The following DRAXIN variants were observed in gnomAD, a reference collection of about 807,000 sequenced individuals.
The protein encoded by DRAXIN is dorsal inhibitory axon guidance protein, also known as dorsal repulsive axon guidance protein.
In DRAXIN, 27 loss-of-function variants were observed where a neutral mutation model predicts 33.9. The observed-to-expected ratio is 0.80, with a 90% confidence interval of 0.59 to 1.10. The LOEUF (loss-of-function observed/expected upper bound fraction) is 1.10, where lower values mean the gene tolerates loss of function less well. Ranked by LOEUF, DRAXIN falls within the 50% of genes least tolerant of loss-of-function variation. The pLI, the probability that DRAXIN is intolerant of heterozygous loss-of-function variation, is 0.00. For synonymous variants in DRAXIN, 178 were observed against 194.0 expected, an observed-to-expected ratio of 0.92 and a Z score of 0.69; for missense variants, 371 against 460.8, an observed-to-expected ratio of 0.81 and a Z score of 1.78.
intron 1 of DRAXIN, among the ~76,000 whole-genome samples, chr1:11,697,884 T>C (rs1641215576): frequency 6.6e-6 from 1 of 152,094 alleles, no homozygotes; most frequent in South Asian, 2.1e-4. Flanking sequence ...AGGTGACACT[T>C]TGGGCGATAC....
At chr1:11,703,247 G>A (rs1382194300) in intron 1 of DRAXIN, among the ~76,000 whole-genome samples, 2 of 152,230 alleles carry the variant, frequency 1.3e-5, no homozygotes, top group Non-Finnish European at 2.9e-5. Context: ...GCAGGACAAA[G>A]GCATGTGGGA....
At chr1:11,688,965 A>C (rs1453016874), upstream of DRAXIN, among the ~76,000 whole-genome samples, 1 of 152,198 alleles carries the variant, frequency 6.6e-6, no homozygotes, top group Non-Finnish European at 1.5e-5. The surrounding 1 kb of genome is among the most constrained non-coding windows in gnomAD (Gnocchi z 4.6). Context: ...TACAAATGCC[A>C]TGGCAACATC....
In DRAXIN at chr1:11,711,983, A is replaced by C. The variant is rs933754185; in HGVS notation, c.757+18A>C. On this transcript the variant is annotated intron_variant, in intron 4 of 6. Transcript: ENST00000294485. ...GAAGAAAGGTATGCCCACCTACCCCACTATCTTCCATGCCTGGGTGCCCTG... is the reference window on the plus strand; with the variant it reads ...GAAGAAAGGTATGCCCACCTACCCCCCTATCTTCCATGCCTGGGTGCCCTG... The C allele has an allele frequency of 6.2e-7, 1 of 1,601,692 alleles. No individual in the cohort carries two copies. The highest frequency in any genetic ancestry group is 8.5e-7 in the Non-Finnish European group (1 of 1,172,734).
intron 1 of DRAXIN, among the ~76,000 whole-genome samples, chr1:11,703,911 G>A (rs1417600016): frequency 3.3e-5 from 5 of 152,152 alleles, no homozygotes; most frequent in East Asian, 3.9e-4. Context: ...ATGCTGCTTC[G>A]GGGTGTTGGA....
rs563654158 is a variant in DRAXIN at position 11,696,197 on chromosome 1, C to T, written c.-11+4344C>T. 1.1e-4 allele frequency among the ~76,000 whole-genome samples: 16 copies of T among 152,350 alleles called. No individual in the cohort carries two copies. The highest frequency in any genetic ancestry group is 1.8e-4 in the Non-Finnish European group (12 of 68,034). On this transcript the variant is annotated intron_variant, in intron 1 of 6. Coordinates refer to ENST00000294485, the MANE Select transcript of DRAXIN (RefSeq NM_198545.4). This position sits in a 1 kb window ranked among gnomAD's most constrained non-coding sequence, Gnocchi z 4.7. The stretch of plus-strand genomic sequence containing the variant: ...CTTCCAGGAAACTCCCTGGCCCCCA[C>T]CACACCCATGCCTGCCACCTTACTC...
rs1641649647 is a variant in DRAXIN, at chr1:11,720,774, C to G, written c.*1078C>G. On this transcript the variant is annotated 3_prime_UTR_variant, in exon 7 of 7. Transcript: ENST00000294485. ...CTCCAAGGCCCACGTTCTTGCTGCT[C>G]CACAGCCAAGAATTTCTTCCAGATT... The G allele has an allele frequency of 6.6e-6, 1 of 152,092 alleles. No homozygotes were observed. Among genetic ancestry groups the G allele is most frequent in the Non-Finnish European group, 1.5e-5 (1 of 68,026 alleles). 9.4% of individuals were successfully genotyped at this position (152,092 alleles called of 1,614,324 possible).
chr1:11,708,263 G>A (rs1641421799), intron 2 of DRAXIN, among the ~76,000 whole-genome samples: 1 of 152,216 alleles, frequency 6.6e-6, no homozygotes, highest in Admixed American at 6.5e-5. Flanking sequence ...AGGAGGAGGT[G>A]GGGAACGGAG....
In DRAXIN at chr1:11,725,449, C is replaced by G. The variant is rs985702978; in HGVS notation, c.*5753C>G. The G allele has an allele frequency of 6.6e-6, 1 of 152,214 alleles. No homozygotes were observed. The highest frequency in any genetic ancestry group is 1.5e-5 in the Non-Finnish European group (1 of 68,058). 9.4% of individuals were successfully genotyped at this position (152,214 alleles called of 1,614,324 possible). On this transcript the variant is annotated 3_prime_UTR_variant, in exon 7 of 7. Coordinates refer to ENST00000294485, the MANE Select transcript of DRAXIN (RefSeq NM_198545.4). ...AAGTTCTCCAGGTCATTCTTGGGCA[C>G]GATCAAATTTGAGAATCACAGGTCT... is the stretch of plus-strand genomic sequence containing the variant.
In DRAXIN at chr1:11,704,424, C is replaced by A. The variant is rs1007237162; in HGVS notation, c.-10-1825C>A. ...CGAAGCAGGATTGAGGTTCCCTCTG[C>A]GCCGAACAATGCTTGAGTGACAGGC... is the stretch of plus-strand genomic sequence containing the variant. On this transcript the variant is annotated intron_variant, in intron 1 of 6. Transcript: ENST00000294485. This position sits in a 1 kb window ranked among gnomAD's most constrained non-coding sequence, Gnocchi z 4.6. Among the ~76,000 whole-genome samples, 1 of 152,166 alleles carries A rather than the reference C, an allele frequency of 6.6e-6. No individual in the cohort carries two copies. The highest frequency in any genetic ancestry group is 1.5e-5 in the Non-Finnish European group (1 of 68,042).
rs1487937802 is a variant in DRAXIN at position 11,723,547 on chromosome 1, C to T, written c.*3851C>T. 6.6e-6 allele frequency: 1 copy of T among 151,868 alleles called. No individual in the cohort carries two copies. Among genetic ancestry groups the T allele is most frequent in the Non-Finnish European group, 1.5e-5 (1 of 68,010 alleles). The allele number at this position is 151,868 out of a possible 1,614,324, so 9.4% of individuals were successfully genotyped here. A position where few individuals can be genotyped will look rare whatever the true frequency, so the allele number is the denominator to read the frequency against. ...TTCATCTGTAAAATGGGAATAATAA[C>T]TCTCCCTTCATAGGGTTGTTGTGAG... On this transcript the variant is annotated 3_prime_UTR_variant, in exon 7 of 7. Transcript: ENST00000294485.
rs1641636543 is a variant in DRAXIN, at chr1:11,719,903, G to A, written c.*207G>A. 1.8e-6 allele frequency: 1 copy of A among 558,426 alleles called. No individual in the cohort carries two copies. Among genetic ancestry groups the A allele is most frequent in the Admixed American group, 3.0e-5 (1 of 33,488 alleles). The allele number at this position is 558,426 out of a possible 1,614,324, so 34.6% of individuals were successfully genotyped here. A position where few individuals can be genotyped will look rare whatever the true frequency, so the allele number is the denominator to read the frequency against. On this transcript the variant is annotated 3_prime_UTR_variant, in exon 7 of 7. Transcript: ENST00000294485. Reference sequence around the variant, plus strand: ...GGCCCGCAGCACCTGCACACACGAAGTCCGGACCCACGCAGCCTCCATCCC... The same window carrying A: ...GGCCCGCAGCACCTGCACACACGAAATCCGGACCCACGCAGCCTCCATCCC...
intron 6 of DRAXIN, among the ~76,000 whole-genome samples, chr1:11,718,032 G>A (rs1472513645): frequency 1.5e-4 from 22 of 145,226 alleles, no homozygotes; most frequent in Non-Finnish European, 3.0e-4. Flanking sequence ...GGCCCGGCAC[G>A]GTGGCTCATG....
rs2100746652 is a variant in DRAXIN at position 11,720,882 on chromosome 1, C to A, written c.*1186C>A. On this transcript the variant is annotated 3_prime_UTR_variant, in exon 7 of 7. Coordinates refer to ENST00000294485, the MANE Select transcript of DRAXIN (RefSeq NM_198545.4). Reference sequence around the variant, plus strand: ...GAATAACTTGACTGTTCTCTGCCTTCCCTGGATAAAGGTGTATCATGTTTA... The same window carrying A: ...GAATAACTTGACTGTTCTCTGCCTTACCTGGATAAAGGTGTATCATGTTTA... The A allele has an allele frequency of 6.6e-6, 1 of 152,336 alleles. No individual in the cohort carries two copies. The highest frequency in any genetic ancestry group is 1.9e-4 in the East Asian group (1 of 5,186). 9.4% of individuals were successfully genotyped at this position (152,336 alleles called of 1,614,324 possible).
chr1:11,724,078 A>T lies in DRAXIN; in HGVS notation c.*4382A>T, dbSNP rs1365936294. 6.6e-6 allele frequency: 1 copy of T among 152,314 alleles called. No homozygotes were observed. The highest frequency in any genetic ancestry group is 1.9e-4 in the East Asian group (1 of 5,184). 9.4% of individuals were successfully genotyped at this position (152,314 alleles called of 1,614,324 possible). A position where few individuals can be genotyped will look rare whatever the true frequency, so the allele number is the denominator to read the frequency against. On this transcript the variant is annotated 3_prime_UTR_variant, in exon 7 of 7. Coordinates refer to ENST00000294485, the MANE Select transcript of DRAXIN (RefSeq NM_198545.4). ...CCTTCCCCAAAGTGTGTTCCATAGA[A>T]CACTGGGACCATGAGATGCTCTATT...
At chr1:11,712,102 G>A (rs1224260906) in intron 4 of DRAXIN, 137 bp downstream of exon 4, 1 of 916,512 alleles carries the variant, frequency 1.1e-6, no homozygotes, top group Non-Finnish European at 1.7e-6. Flanking sequence ...GGGGAGCATG[G>A]AGCCTAACCT....
At chr1:11,712,551 A>C in intron 5 of DRAXIN, 122 bp downstream of exon 5, 2 of 927,612 alleles carry the variant, frequency 2.2e-6, no homozygotes, top group Non-Finnish European at 3.3e-6. Context: ...ATGATAAATA[A>C]TAACAACAGC....
In DRAXIN at chr1:11,723,494, T is replaced by G. The variant is rs1265730653; in HGVS notation, c.*3798T>G. 6.6e-6 allele frequency: 1 copy of G among 151,742 alleles called. No homozygotes were observed. Among genetic ancestry groups the G allele is most frequent in the African/African-American group, 2.4e-5 (1 of 41,360 alleles). 9.4% of individuals were successfully genotyped at this position (151,742 alleles called of 1,614,324 possible). ...CACAGCTTTGGCAACCTTAGGAAAG[T>G]TTCTTAAGGTCTCTGTGCCTTGATT... On this transcript the variant is annotated 3_prime_UTR_variant, in exon 7 of 7. Coordinates refer to ENST00000294485, the MANE Select transcript of DRAXIN (RefSeq NM_198545.4).
Position 11,721,278 on chromosome 1 carries a change from G to A in DRAXIN, c.*1582G>A, listed in dbSNP as rs1641656710. 6.6e-6 allele frequency: 1 copy of A among 152,216 alleles called. No homozygotes were observed. Among genetic ancestry groups the A allele is most frequent in the African/African-American group, 2.4e-5 (1 of 41,454 alleles). 9.4% of individuals were successfully genotyped at this position (152,216 alleles called of 1,614,324 possible). ...AAGTTGAGGCTCACCTGAAATTGAGGTGCTATCTGAAGCTAACTGCCCCTA... is the reference window on the plus strand; with the variant it reads ...AAGTTGAGGCTCACCTGAAATTGAGATGCTATCTGAAGCTAACTGCCCCTA... On this transcript the variant is annotated 3_prime_UTR_variant, in exon 7 of 7. Transcript: ENST00000294485.
upstream of DRAXIN, among the ~76,000 whole-genome samples, chr1:11,690,012 T>C (rs574903186): frequency 2.0e-3 from 299 of 152,150 alleles, 2 homozygotes; most frequent in African/African-American, 6.8e-3. This position sits in a 1 kb window ranked among gnomAD's most constrained non-coding sequence, Gnocchi z 4.2. Context: ...TACCTCCTTT[T>C]CTTTGCCAAA....
Sources: allele counts gnomAD v4.1 joint callset (sites outside exome capture counted in the v4.1 genomes callset), GRCh38; gene constraint gnomAD v4.1.1; non-coding constraint Gnocchi (gnomAD v3.1); transcripts MANE v1.5; gene names NCBI Gene and HGNC (gene_info 2026-07-23, HGNC 2026-07-21).